The following CDX4 variants were observed in gnomAD, a reference collection of about 807,000 sequenced individuals.
CDX4 encodes caudal type homeobox 4, also known as homeobox protein CDX-4.
A neutral mutation model predicts 14.1 loss-of-function variants in CDX4; 11 were observed. The ratio of observed to expected loss-of-function variants is 0.78; its 90% CI spans 0.49 to 1.29. The LOEUF (loss-of-function observed/expected upper bound fraction) is 1.29. Among genes scored for constraint, CDX4 ranks in the 50% most tolerant of loss-of-function variants. The pLI is 0.00. For synonymous variants in CDX4, 100 were observed against 93.5 expected, an observed-to-expected ratio of 1.07 and a Z score of -0.40; for missense variants, 257 against 237.4, an observed-to-expected ratio of 1.08 and a Z score of -0.54.
intron 1 of CDX4, among the ~76,000 whole-genome samples, chrX:73,448,699 T>G (rs1458864993): frequency 1.8e-5 from 2 of 112,274 alleles, no homozygotes; most frequent in African/African-American, 3.2e-5. Context: ...ACTTTAATCT[T>G]AACCGGGGCT....
Position 73,450,167 on chromosome X carries a change from G to GA in CDX4, c.502+2418dup, listed in dbSNP as rs201835689. The stretch of plus-strand genomic sequence containing the variant: ...AATGTCTTAAATAAATGTAAAAAAG[G>GA]AAAAAATGCATGTATTAGTGGACAA... On this transcript the variant is annotated intron_variant, in intron 1 of 2. Coordinates refer to ENST00000373514, the MANE Select transcript of CDX4 (RefSeq NM_005193.2). Among the ~76,000 whole-genome samples the GA allele has an allele frequency of 9.6e-3, 1,065 of 111,440 alleles. 15 individuals carry two copies. Among genetic ancestry groups the GA allele is most frequent in the African/African-American group, 0.033 (1,008 of 30,705 alleles).
intron 1 of CDX4, among the ~76,000 whole-genome samples, chrX:73,452,002 G>C (rs755238851): frequency 9.0e-6 from 1 of 111,268 alleles, no homozygotes; most frequent in East Asian, 2.8e-4. Context: ...TAACTGACTG[G>C]ACCGCATAGT....
intron 1 of CDX4, among the ~76,000 whole-genome samples, chrX:73,449,077 T>A (rs1233642743): frequency 1.8e-5 from 2 of 111,508 alleles, no homozygotes; most frequent in African/African-American, 6.5e-5. Context: ...ATCTGCATTT[T>A]AAAAAAATAT....
intron 1 of CDX4, among the ~76,000 whole-genome samples, chrX:73,448,454 C>A (rs1056162238): frequency 1.8e-5 from 2 of 112,367 alleles, no homozygotes; most frequent in African/African-American, 3.2e-5. Flanking sequence ...ACAGCACTGA[C>A]CTGGTACATA....
intron 1 of CDX4, among the ~76,000 whole-genome samples, chrX:73,449,633 G>C (rs770498424): frequency 1.3e-4 from 14 of 111,790 alleles, no homozygotes; most frequent in Admixed American, 4.8e-4. Flanking sequence ...TATAGATGAG[G>C]CTTCATTAAA....
intron 1 of CDX4, among the ~76,000 whole-genome samples, chrX:73,451,437 CT>C (rs985327927): frequency 3.6e-5 from 4 of 111,514 alleles, no homozygotes; most frequent in Non-Finnish European, 7.5e-5. Context: ...AGTTTTAGGT[CT>C]TATCTGTCAG....
rs752965907 is a variant in CDX4 at position 73,454,564 on chromosome X, G to A, written c.834G>A (p.Gln278=). The change falls in exon 3 of 3, where the codon CAG becomes CAA. Residue 278 remains glutamine, a synonymous_variant. Transcript: ENST00000373514. ...AVRGFQPIEI[Q]QVIVSE ...GTGGATTTCAACCTATTGAGATACAGCAGGTTATAGTCTCCGAATGAAAGA... is the reference window on the plus strand; with the variant it reads ...GTGGATTTCAACCTATTGAGATACAACAGGTTATAGTCTCCGAATGAAAGA... The A allele has an allele frequency of 1.7e-6, 2 of 1,203,250 alleles. No homozygotes were observed. The highest frequency in any genetic ancestry group is 4.4e-5 in the Admixed American group (2 of 45,452).
chrX:73,449,775 A>T (rs960513872), intron 1 of CDX4, among the ~76,000 whole-genome samples: 3 of 111,768 alleles, frequency 2.7e-5, no homozygotes, highest in Non-Finnish European at 5.6e-5. Flanking sequence ...CCTAGAAAAA[A>T]TGCACAAAGG....
Position 73,447,322 on chromosome X carries a change from C to A in CDX4, c.69C>A (p.Gly23=). ...CGGGCACTCTCATGAGCCCTGGGGG[C>A]GACGGCACAGCTGGGACAGGCGGCA... ...MYPGTLMSPG[G]DGTAGTGGTG... Residue 23 remains glycine, a synonymous_variant, in exon 1 of 3, where the codon GGC becomes GGA. Transcript: ENST00000373514. The A allele has an allele frequency of 8.3e-7, 1 of 1,210,673 alleles. No individual in the cohort carries two copies. Among genetic ancestry groups the A allele is most frequent in the Non-Finnish European group, 1.1e-6 (1 of 894,876 alleles).
At chrX:73,451,768 C>CT (rs2057087589) in intron 1 of CDX4, among the ~76,000 whole-genome samples, 1 of 112,163 alleles carries the variant, frequency 8.9e-6, no homozygotes, top group South Asian at 3.7e-4. Context: ...AATTTAAACA[C>CT]TCAGCAACTT....
At position 73,454,789 on chromosome X, in the gene CDX4, A is replaced by C; in HGVS notation, c.*204A>C. 1 of 389,057 alleles carries C rather than the reference A, an allele frequency of 2.6e-6. No individual in the cohort carries two copies. The highest frequency in any genetic ancestry group is 5.4e-5 in the South Asian group (1 of 18,573). 32.1% of individuals were successfully genotyped at this position (389,057 alleles called of 1,213,427 possible). On this transcript the variant is annotated 3_prime_UTR_variant, in exon 3 of 3. Transcript: ENST00000373514. ...GAAAACTCCTGTCACGTGCTGTGCT[A>C]TATGTCAGTCACTCAGGAATCTTAG... is the stretch of plus-strand genomic sequence containing the variant.
chrX:73,447,273 T>C lies in CDX4; in HGVS notation c.20T>C (p.Leu7Ser), dbSNP rs746867826. ...GACACGATGTACGGAAGCTGTCTTT[T>C]GGAGAAAGAAGCAGGCATGTACCCG... The part of the protein sequence containing the change: MYGSCL[L>S]EKEAGMYPGT... Residue 7 changes from leucine (L) to serine (S), a missense_variant, in exon 1 of 3, where the codon TTG (leucine) becomes TCG (serine). Transcript: ENST00000373514. 1.5e-5 allele frequency: 18 copies of C among 1,206,979 alleles called. No individual in the cohort carries two copies. In the South Asian group the frequency reaches 3.0e-4, roughly 20 times the overall value.
intron 1 of CDX4, among the ~76,000 whole-genome samples, chrX:73,448,001 T>A (rs557744288): frequency 2.7e-5 from 3 of 112,101 alleles, no homozygotes; most frequent in Admixed American, 1.9e-4. Context: ...CGCTGCTCCA[T>A]GAAGAAAGCG....
In CDX4 at chrX:73,454,606, A is replaced by G; in HGVS notation, c.*21A>G. The G allele has an allele frequency of 8.8e-7, 1 of 1,138,417 alleles. No homozygotes were observed. Among genetic ancestry groups the G allele is most frequent in the Non-Finnish European group, 1.2e-6 (1 of 832,272 alleles). 93.8% of individuals were successfully genotyped at this position (1,138,417 alleles called of 1,213,427 possible). ...AATGAAAGAAAGCAAAGAGAAATTTAAAGTGCCCTTTTTTTAGTGATGTCT... is the reference window on the plus strand; with the variant it reads ...AATGAAAGAAAGCAAAGAGAAATTTGAAGTGCCCTTTTTTTAGTGATGTCT... On this transcript the variant is annotated 3_prime_UTR_variant, in exon 3 of 3. Transcript: ENST00000373514.
intron 1 of CDX4, 70 bp from the exon 2 acceptor site, chrX:73,453,447 T>C: frequency 1.1e-6 from 1 of 925,773 alleles, no homozygotes; most frequent in Non-Finnish European, 1.5e-6. Context: ...AGAGTGTCTA[T>C]GATTTCTTTA....
At chrX:73,449,115 G>C (rs1189050141) in intron 1 of CDX4, among the ~76,000 whole-genome samples, 1 of 111,567 alleles carries the variant, frequency 9.0e-6, no homozygotes, top group East Asian at 2.8e-4. Flanking sequence ...AAGTAGAATA[G>C]AAAAAGAGGT....
At chrX:73,451,476 T>C (rs760405397) in intron 1 of CDX4, among the ~76,000 whole-genome samples, 2 of 111,654 alleles carry the variant, frequency 1.8e-5, no homozygotes, top group African/African-American at 6.5e-5. Flanking sequence ...TTTTTAACAC[T>C]TCACATGGCT....
At chrX:73,448,465 A>T (rs73227751) in intron 1 of CDX4, among the ~76,000 whole-genome samples, 3,756 of 112,308 alleles carry the variant, frequency 0.033, 68 homozygotes, top group Non-Finnish European at 0.046. Flanking sequence ...CTGGTACATA[A>T]TACGGTACCT....
chrX:73,448,704 G>A (rs565087131), intron 1 of CDX4, among the ~76,000 whole-genome samples: 2 of 112,283 alleles, frequency 1.8e-5, no homozygotes, highest in South Asian at 7.5e-4. Context: ...AATCTTAACC[G>A]GGGCTGGGGG....
Sources: gnomAD v4.1 joint callset for allele counts (sites outside exome capture counted in the v4.1 genomes callset) on GRCh38, gnomAD v4.1.1 for gene constraint, MANE v1.5 for transcripts, NCBI Gene and HGNC (gene_info 2026-07-23, HGNC 2026-07-21) for gene names.